The following ENOX1 variants were observed in gnomAD, a reference collection of about 807,000 sequenced individuals.
The protein encoded by ENOX1 is ecto-NOX disulfide-thiol exchanger 1.
A neutral mutation model predicts 82.5 loss-of-function variants in ENOX1; 42 were observed. The observed-to-expected ratio is 0.51, with a 90% CI of 0.40 to 0.66. The LOEUF (loss-of-function observed/expected upper bound fraction) is 0.66. ENOX1 is among the 30% of genes least tolerant of loss of function. ENOX1 has a pLI of 0.00. For missense variants in ENOX1, 608 were observed against 811.6 expected (o/e 0.75, Z 3.05); for synonymous variants, 271 against 282.2 (o/e 0.96, Z 0.40).
At chr13:43,679,752 A>T (rs1238750676) in intron 1 of ENOX1, among the ~76,000 whole-genome samples, 2 of 152,176 alleles carry the variant, frequency 1.3e-5, no homozygotes, top group African/African-American at 4.8e-5. Context: ...ACCACTGGAT[A>T]AGTGAGGTAT....
chr13:43,487,654 T>G (rs2076475299), intron 2 of ENOX1, among the ~76,000 whole-genome samples: 1 of 152,154 alleles, frequency 6.6e-6, no homozygotes, highest in Admixed American at 6.5e-5. Context: ...AACTTAGCCT[T>G]AAATTTAAAT....
chr13:43,412,115 A>T (rs1340576252), intron 4 of ENOX1, 62 bp from the exon 5 acceptor site: 1 of 1,574,812 alleles, frequency 6.3e-7, no homozygotes, highest in Admixed American at 1.7e-5. Flanking sequence ...TTTAAAGAAA[A>T]TCACATTTCT....
chr13:43,584,060 AC>A (rs1203582759), intron 2 of ENOX1, among the ~76,000 whole-genome samples: 1 of 152,224 alleles, frequency 6.6e-6, no homozygotes, highest in Non-Finnish European at 1.5e-5. Context: ...CTGCCCTGCT[AC>A]CTTTCCATAG....
intron 1 of ENOX1, among the ~76,000 whole-genome samples, chr13:43,758,610 G>A (rs540793329): frequency 3.5e-4 from 54 of 152,294 alleles, no homozygotes; most frequent in Admixed American, 1.5e-3. Flanking sequence ...ACTATTTGGA[G>A]AAATTAAGTA....
intron 11 of ENOX1, among the ~76,000 whole-genome samples, chr13:43,313,362 C>T (rs2047314782): frequency 6.6e-6 from 1 of 151,982 alleles, no homozygotes; most frequent in Admixed American, 6.6e-5. Flanking sequence ...TGTGGAAATT[C>T]CCTAATTTAA....
intron 1 of ENOX1, among the ~76,000 whole-genome samples, chr13:43,702,985 T>TAAAAAAA (rs2087007367): frequency 4.8e-5 from 4 of 83,366 alleles, no homozygotes; most frequent in Non-Finnish European, 9.0e-5. Flanking sequence ...AAAAAAAAAG[T>TAAAAAAA]TTGAGGAAGC....
Position 43,383,536 on chromosome 13 carries a change from A to G in ENOX1, c.209-22084T>C, listed in dbSNP as rs188662897. 1.4e-3 allele frequency among the ~76,000 whole-genome samples: 213 copies of G among 152,316 alleles called. 1 individual carries two copies. The highest frequency in any genetic ancestry group is 2.6e-3 in the Non-Finnish European group (176 of 68,026). ...TTTGCAATCCATAGGAAATCCATGT[A>G]TGCTTCTGTTTGCTTCCCTTACAAC... On this transcript the variant is annotated intron_variant, in intron 5 of 16. Coordinates refer to ENST00000690772, the MANE Select transcript of ENOX1 (RefSeq NM_001347969.2).
intron 12 of ENOX1, among the ~76,000 whole-genome samples, chr13:43,275,148 T>C (rs754329439): frequency 1.3e-5 from 2 of 152,218 alleles, no homozygotes; most frequent in African/African-American, 4.8e-5. Flanking sequence ...GACTTCTATC[T>C]AAACATTCAT....
intron 2 of ENOX1, among the ~76,000 whole-genome samples, chr13:43,504,979 CTTT>C (rs1269551643): frequency 6.6e-6 from 1 of 151,688 alleles, no homozygotes; most frequent in Non-Finnish European, 1.5e-5. Flanking sequence ...AGTGATTTCT[CTTT>C]AAAAAGATCA....
intron 2 of ENOX1, among the ~76,000 whole-genome samples, chr13:43,486,135 G>A (rs562660962): frequency 1.5e-3 from 227 of 152,282 alleles, no homozygotes; most frequent in African/African-American, 5.0e-3. Flanking sequence ...GTGTGAACCC[G>A]GGAGGCAGAG....
In ENOX1 at chr13:43,324,136, CAT is replaced by C. The variant is rs149782524; in HGVS notation, c.1144-1637_1144-1636del. ...CATCAGGCATTGGAGGTGGGTGTCA[CAT>C]GTGATTAGTGCGGAAATTTTTAGGC... On this transcript the variant is annotated intron_variant, in intron 10 of 16. Coordinates refer to ENST00000690772, the MANE Select transcript of ENOX1 (RefSeq NM_001347969.2). Among the ~76,000 whole-genome samples the C allele has an allele frequency of 2.3e-3, 353 of 152,292 alleles. 2 individuals are homozygous for C. The highest frequency in any genetic ancestry group is 8.0e-3 in the African/African-American group (333 of 41,566).
chr13:43,404,941 T>C (rs2053704331), intron 5 of ENOX1, among the ~76,000 whole-genome samples: 1 of 152,232 alleles, frequency 6.6e-6, no homozygotes, highest in Non-Finnish European at 1.5e-5. Flanking sequence ...AAGAGAACTC[T>C]GAGCATCATC....
At chr13:43,598,484 A>C (rs1440363103) in intron 2 of ENOX1, among the ~76,000 whole-genome samples, 1 of 152,178 alleles carries the variant, frequency 6.6e-6, no homozygotes, top group African/African-American at 2.4e-5. Flanking sequence ...GTGGTTTAGA[A>C]AGCGTGGCCA....
chr13:43,358,480 A>AGT (rs1310480308), intron 7 of ENOX1, among the ~76,000 whole-genome samples: 1 of 152,060 alleles, frequency 6.6e-6, no homozygotes, highest in Admixed American at 6.6e-5. Flanking sequence ...CAATCCTCCA[A>AGT]GTGTACTGAG....
intron 5 of ENOX1, among the ~76,000 whole-genome samples, chr13:43,393,317 A>G (rs1165155865): frequency 1.3e-5 from 2 of 152,152 alleles, no homozygotes; most frequent in African/African-American, 4.8e-5. Flanking sequence ...GTATTTTTTA[A>G]TTTCTTCTTT....
intron 2 of ENOX1, among the ~76,000 whole-genome samples, chr13:43,506,926 T>C (rs2077192491): frequency 6.6e-6 from 1 of 151,534 alleles, no homozygotes; most frequent in African/African-American, 2.4e-5. Context: ...ACATGGCACA[T>C]GTATACATAT....
intron 3 of ENOX1, among the ~76,000 whole-genome samples, chr13:43,437,415 T>C (rs1044091871): frequency 1.3e-5 from 2 of 152,188 alleles, no homozygotes; most frequent in African/African-American, 2.4e-5. Flanking sequence ...TCCACTTTCC[T>C]TTCCCGAAAA....
chr13:43,680,486 T>G (rs1052482293), intron 1 of ENOX1, among the ~76,000 whole-genome samples: 1 of 152,150 alleles, frequency 6.6e-6, no homozygotes, highest in African/African-American at 2.4e-5. Context: ...AAATACATCA[T>G]CTCTGCCTTG....
intron 5 of ENOX1, among the ~76,000 whole-genome samples, chr13:43,404,272 C>T (rs1475165198): frequency 6.6e-6 from 1 of 152,194 alleles, no homozygotes; most frequent in Non-Finnish European, 1.5e-5. Context: ...CCCAGCCTAT[C>T]CTACCAGACT....
Sources: gnomAD v4.1 joint callset for allele counts (sites outside exome capture counted in the v4.1 genomes callset) on GRCh38, gnomAD v4.1.1 for gene constraint, MANE v1.5 for transcripts, NCBI Gene and HGNC (gene_info 2026-07-23, HGNC 2026-07-21) for gene names.